Variants in CACNA2D3 observed in about 807,000 individuals in gnomAD.
CACNA2D3 encodes the protein calcium voltage-gated channel auxiliary subunit alpha2delta 3, also known as voltage-dependent calcium channel subunit alpha-2/delta-3.
Under a neutral mutation model 160.6 loss-of-function variants are expected in CACNA2D3, and 60 were observed. The observed-to-expected ratio is 0.37, with a 90% CI of 0.30 to 0.46. The LOEUF is 0.46. Among genes scored for constraint, CACNA2D3 ranks in the 20% least tolerant of loss-of-function variants. The pLI, the probability that CACNA2D3 is intolerant of heterozygous loss-of-function variation, is 1.00. For synonymous variants in CACNA2D3, 558 were observed against 492.9 expected (o/e 1.13, Z -1.75); for missense variants, 1,205 against 1,365.0 (o/e 0.88, Z 1.85).
chr3:54,314,843 G>C (rs1390070342), intron 2 of CACNA2D3, among the ~76,000 whole-genome samples: 1 of 152,192 alleles, frequency 6.6e-6, no homozygotes, highest in East Asian at 1.9e-4. Flanking sequence ...GCTGGAGACA[G>C]GATGCAAAGC....
intron 11 of CACNA2D3, among the ~76,000 whole-genome samples, chr3:54,686,472 A>G (rs1700451444): frequency 6.6e-6 from 1 of 152,216 alleles, no homozygotes; most frequent in Non-Finnish European, 1.5e-5. Flanking sequence ...AATCTACAAA[A>G]CAACAGGAGG....
intron 2 of CACNA2D3, among the ~76,000 whole-genome samples, chr3:54,295,539 C>T (rs947793980): frequency 6.6e-6 from 1 of 152,136 alleles, no homozygotes; most frequent in African/African-American, 2.4e-5. Context: ...GACGGGACAA[C>T]TCAAAGTGAG....
intron 6 of CACNA2D3, 76 bp downstream of exon 6, chr3:54,563,007 A>G: frequency 2.2e-6 from 3 of 1,389,436 alleles, no homozygotes; most frequent in South Asian, 2.5e-5. Context: ...TTAGGGTTCA[A>G]GGTTAAAACT....
intron 27 of CACNA2D3, among the ~76,000 whole-genome samples, chr3:54,915,711 A>G (rs2106916470): frequency 6.6e-6 from 1 of 152,314 alleles, no homozygotes; most frequent in Middle Eastern, 3.4e-3. Flanking sequence ...GTTAATGTAA[A>G]CAATTTGATT....
At chr3:54,678,702 CAG>C (rs1202490882) in intron 11 of CACNA2D3, among the ~76,000 whole-genome samples, 1 of 100,742 alleles carries the variant, frequency 9.9e-6, no homozygotes, top group Admixed American at 1.7e-4. Flanking sequence ...GCCTGGGTGA[CAG>C]AGTGAGACTC....
intron 27 of CACNA2D3, among the ~76,000 whole-genome samples, chr3:54,933,561 C>T (rs1048072355): frequency 6.6e-6 from 1 of 152,166 alleles, no homozygotes; most frequent in African/African-American, 2.4e-5. Context: ...AGCAGTGTGT[C>T]TTGGAAGAAG....
intron 9 of CACNA2D3, among the ~76,000 whole-genome samples, chr3:54,622,423 C>A (rs1164674197): frequency 6.6e-6 from 1 of 152,108 alleles, no homozygotes; most frequent in Non-Finnish European, 1.5e-5. Flanking sequence ...CTACAGGCGC[C>A]CGCCACCACG....
At chr3:54,282,996 G>T (rs1007969414) in intron 2 of CACNA2D3, among the ~76,000 whole-genome samples, 2 of 152,034 alleles carry the variant, frequency 1.3e-5, no homozygotes, top group African/African-American at 4.8e-5. Context: ...TATTCTTGAG[G>T]GTACATTTCC....
At chr3:54,145,027 T>C (rs1157735357) in intron 2 of CACNA2D3, among the ~76,000 whole-genome samples, 2 of 152,252 alleles carry the variant, frequency 1.3e-5, no homozygotes, top group Non-Finnish European at 2.9e-5. Flanking sequence ...TCACTTTAAA[T>C]ATCTCTTTAT....
At chr3:55,010,332 A>C (rs1347039625) in intron 34 of CACNA2D3, among the ~76,000 whole-genome samples, 1 of 152,190 alleles carries the variant, frequency 6.6e-6, no homozygotes, top group East Asian at 1.9e-4. Context: ...CAAACCCTCG[A>C]GACATGCAGT....
chr3:54,345,356 G>T (rs1417849001), intron 3 of CACNA2D3, among the ~76,000 whole-genome samples: 1 of 152,116 alleles, frequency 6.6e-6, no homozygotes, highest in Non-Finnish European at 1.5e-5. Context: ...CTGTAGAAAT[G>T]TTTAACAGAA....
chr3:54,393,183 A>T (rs969417035), intron 4 of CACNA2D3, among the ~76,000 whole-genome samples: 1 of 152,092 alleles, frequency 6.6e-6, no homozygotes, highest in African/African-American at 2.4e-5. Context: ...TGTGGAAAAA[A>T]GGTGAGCAAG....
chr3:54,545,396 TCTTGGTGTA>T (rs991366811), intron 5 of CACNA2D3, among the ~76,000 whole-genome samples: 9 of 152,356 alleles, frequency 5.9e-5, no homozygotes, highest in Admixed American at 5.9e-4. Flanking sequence ...CTTGTTCCAC[TCTTGGTGTA>T]CTTCCTGTTA....
chr3:54,766,970 A>T (rs1466409412), intron 13 of CACNA2D3, among the ~76,000 whole-genome samples: 1 of 151,654 alleles, frequency 6.6e-6, no homozygotes, highest in South Asian at 2.1e-4. Context: ...AAGAAACAGA[A>T]TAAACCAGAA....
intron 30 of CACNA2D3, among the ~76,000 whole-genome samples, chr3:54,986,038 G>A (rs889884991): frequency 6.6e-6 from 1 of 152,158 alleles, no homozygotes; most frequent in Non-Finnish European, 1.5e-5. Flanking sequence ...CCTGTTGGCT[G>A]GGAGGAGGAA....
intron 13 of CACNA2D3, among the ~76,000 whole-genome samples, chr3:54,785,375 C>T (rs567507020): frequency 8.2e-4 from 125 of 152,190 alleles, no homozygotes; most frequent in Admixed American, 1.6e-3. Flanking sequence ...GACATCCAGC[C>T]ATGTGTGAAT....
At chr3:54,803,738 C>T (rs1376678622) in intron 13 of CACNA2D3, among the ~76,000 whole-genome samples, 3 of 152,050 alleles carry the variant, frequency 2.0e-5, no homozygotes, top group Non-Finnish European at 4.4e-5. Flanking sequence ...AGAGCAACTC[C>T]AAGACACATA....
intron 27 of CACNA2D3, among the ~76,000 whole-genome samples, chr3:54,967,512 A>G (rs946806846): frequency 1.3e-5 from 2 of 152,182 alleles, no homozygotes. Context: ...GTATGCAAAT[A>G]TGGTAAAAAT....
intron 4 of CACNA2D3, among the ~76,000 whole-genome samples, chr3:54,498,003 A>G (rs1309991704): frequency 1.3e-5 from 2 of 151,088 alleles, no homozygotes; most frequent in African/African-American, 4.8e-5. Context: ...AATTTTGTTA[A>G]GATTTTTGTA....
Sources: gnomAD v4.1 joint callset for allele counts (sites outside exome capture counted in the v4.1 genomes callset) on GRCh38, gnomAD v4.1.1 for gene constraint, MANE v1.5 for transcripts, NCBI Gene and HGNC (gene_info 2026-07-23, HGNC 2026-07-21) for gene names.